FCRL1: variants seen among roughly 807,000 people sequenced by gnomAD.
FCRL1 encodes the protein Fc receptor-like protein 1.
A neutral mutation model predicts 49.2 loss-of-function variants in FCRL1; 34 were observed. That is an observed-to-expected ratio of 0.69 (90% CI 0.53 to 0.92). The LOEUF (loss-of-function observed/expected upper bound fraction) is 0.92, where lower values mean the gene tolerates loss of function less well. Ranked by LOEUF, FCRL1 falls within the 40% of genes least tolerant of loss-of-function variation. The pLI, the probability that FCRL1 is intolerant of heterozygous loss-of-function variation, is 0.00. For missense variants in FCRL1, 524 were observed against 524.1 expected (o/e 1.00, Z 0.00); for synonymous variants, 218 against 201.6 (o/e 1.08, Z -0.69).
rs763913388 is a variant in FCRL1 at position 157,820,056 on chromosome 1, G to T, written c.-19C>A. On this transcript the variant is annotated 5_prime_UTR_variant, in exon 1 of 11. Coordinates refer to ENST00000368176, the MANE Select transcript of FCRL1 (RefSeq NM_052938.5). ...GCAGCATGAGGACCAGGTCAGGGAT[G>T]GTACCTAGAGATGCCTCTCATCAAA... 9.9e-6 allele frequency: 16 copies of T among 1,614,062 alleles called. 1 individual carries two copies. The South Asian group carries it at 1.4e-4, about 14-fold the overall frequency.
intron 1 of FCRL1, among the ~76,000 whole-genome samples, chr1:157,809,069 T>C (rs1216681916): frequency 6.6e-6 from 1 of 152,200 alleles, no homozygotes; most frequent in African/African-American, 2.4e-5. Context: ...AAGATGTTTA[T>C]TAAGATGTCT....
At chr1:157,811,792 A>G (rs1654352887) in intron 1 of FCRL1, among the ~76,000 whole-genome samples, 1 of 152,156 alleles carries the variant, frequency 6.6e-6, no homozygotes, top group Non-Finnish European at 1.5e-5. Context: ...TTGCTAGCCA[A>G]GCTTCCCTGC....
At chr1:157,814,609 C>T (rs529829558) in intron 1 of FCRL1, among the ~76,000 whole-genome samples, 8 of 151,856 alleles carry the variant, frequency 5.3e-5, no homozygotes, top group African/African-American at 9.7e-5. Flanking sequence ...GAGTTAAGTC[C>T]GTACCTATCC....
chr1:157,813,838 C>T (rs74121546), intron 1 of FCRL1, among the ~76,000 whole-genome samples: 8 of 152,192 alleles, frequency 5.3e-5, no homozygotes, highest in African/African-American at 1.9e-4. Context: ...CTAAACACAG[C>T]AAAAACATCA....
At chr1:157,810,035 A>C (rs1326060066) in intron 1 of FCRL1, among the ~76,000 whole-genome samples, 12 of 152,228 alleles carry the variant, frequency 7.9e-5, no homozygotes, top group Admixed American at 7.9e-4. Flanking sequence ...GTTTCAAAAA[A>C]TAAAGAGTGA....
At chr1:157,800,658 G>A (rs781406721) in intron 6 of FCRL1, among the ~76,000 whole-genome samples, 1 of 152,144 alleles carries the variant, frequency 6.6e-6, no homozygotes, top group Non-Finnish European at 1.5e-5. Flanking sequence ...GGCTGTGCAC[G>A]CCAGGTGAAG....
chr1:157,794,455 G>A lies in FCRL1; in HGVS notation c.*1644C>T, dbSNP rs1337866510. The A allele has an allele frequency of 6.6e-6, 1 of 152,118 alleles. No homozygotes were observed. The highest frequency in any genetic ancestry group is 1.5e-5 in the Non-Finnish European group (1 of 68,014). 9.4% of individuals were successfully genotyped at this position (152,118 alleles called of 1,614,324 possible). On this transcript the variant is annotated 3_prime_UTR_variant, in exon 11 of 11. Coordinates refer to ENST00000368176, the MANE Select transcript of FCRL1 (RefSeq NM_052938.5). ...TCTTTATTAGCAATGTGAAAACTAA[G>A]TAATACACCCCACAAACTGATTTCC...
rs964555772 is a variant in FCRL1 at position 157,804,250 on chromosome 1, C to CG, written c.53-140_53-139insC. 1.0e-5 allele frequency: 10 copies of CG among 977,158 alleles called. No homozygotes were observed. The Admixed American group carries it at 1.1e-4, about 11-fold the overall frequency. 60.5% of individuals were successfully genotyped at this position (977,158 alleles called of 1,614,324 possible). ...CAGGCCACCCTACATGTCTCCACCC[C>CG]CCCCCCAGTGGCCCATGGGCTTTCC... On this transcript the variant is annotated intron_variant, in intron 2 of 10. Coordinates refer to ENST00000368176, the MANE Select transcript of FCRL1 (RefSeq NM_052938.5).
At chr1:157,817,126 T>G (rs1330039553) in intron 1 of FCRL1, among the ~76,000 whole-genome samples, 1 of 151,974 alleles carries the variant, frequency 6.6e-6, no homozygotes, top group Non-Finnish European at 1.5e-5. Context: ...AAAATACCAA[T>G]GACATTGTCT....
chr1:157,803,518 C>T (rs57768614), intron 3 of FCRL1, among the ~76,000 whole-genome samples: 7,453 of 152,224 alleles, frequency 0.049, 596 homozygotes, highest in African/African-American at 0.17. Flanking sequence ...CAATGCAGCA[C>T]CACATATTTA....
chr1:157,808,352 T>G (rs756672213), intron 1 of FCRL1, among the ~76,000 whole-genome samples: 1 of 152,200 alleles, frequency 6.6e-6, no homozygotes, highest in African/African-American at 2.4e-5. Context: ...TGGTCTTAAC[T>G]GTTTAGATAG....
At chr1:157,796,209 C>G (rs930934255) in intron 10 of FCRL1, 39 bp from the exon 11 acceptor site, 6 of 1,528,548 alleles carry the variant, frequency 3.9e-6, no homozygotes, top group Non-Finnish European at 5.4e-6. Context: ...GGAAGACAAG[C>G]AGAACATGCC....
chr1:157,798,249 A>G lies in FCRL1; in HGVS notation c.1032-6T>C. ...GTAGAGGGCTGGGAAGGCTCCTGCA[A>G]ACACAGAGACACATGTTATTTATCT... On this transcript the variant is annotated splice_polypyrimidine_tract_variant and splice_region_variant and intron_variant, in intron 7 of 10. Coordinates refer to ENST00000368176, the MANE Select transcript of FCRL1 (RefSeq NM_052938.5). 2 of 1,603,304 alleles carry G rather than the reference A, an allele frequency of 1.2e-6. No individual in the cohort carries two copies. The highest frequency in any genetic ancestry group is 2.7e-5 in the African/African-American group (2 of 74,586).
intron 1 of FCRL1, among the ~76,000 whole-genome samples, chr1:157,813,077 T>C (rs953814665): frequency 6.6e-6 from 1 of 152,050 alleles, no homozygotes; most frequent in Non-Finnish European, 1.5e-5. Flanking sequence ...AAACTAAGGA[T>C]CCATCGGCAC....
rs1416201430 is a variant in FCRL1 at position 157,806,985 on chromosome 1, C to A, written c.52+117G>T. ...TGTTTGTACACCTCAGCAGCTGTCA[C>A]CCTGATATGTTTTGGGCAGGAAGGG... On this transcript the variant is annotated intron_variant, in intron 2 of 10. Coordinates refer to ENST00000368176, the MANE Select transcript of FCRL1 (RefSeq NM_052938.5). 2.3e-5 allele frequency: 26 copies of A among 1,128,382 alleles called. 1 individual carries two copies. In the East Asian group the frequency reaches 6.2e-4, roughly 27 times the overall value. The allele number at this position is 1,128,382 out of a possible 1,614,324, so 69.9% of individuals were successfully genotyped here. A position where few individuals can be genotyped will look rare whatever the true frequency, so the allele number is the denominator to read the frequency against.
intron 1 of FCRL1, among the ~76,000 whole-genome samples, chr1:157,819,762 G>A (rs1035090848): frequency 7.2e-5 from 11 of 152,106 alleles, no homozygotes; most frequent in African/African-American, 2.7e-4. Flanking sequence ...TTGATGGAAA[G>A]GAAGACAGAC....
intron 7 of FCRL1, 95 bp downstream of exon 7, chr1:157,799,963 C>T (rs1652162873): frequency 1.8e-6 from 2 of 1,138,102 alleles, no homozygotes; most frequent in South Asian, 2.0e-5. Context: ...TATAATAAAG[C>T]CGGAAAAAAA....
intron 1 of FCRL1, among the ~76,000 whole-genome samples, chr1:157,818,973 G>C (rs796256739): frequency 2.6e-5 from 4 of 152,274 alleles, no homozygotes; most frequent in African/African-American, 9.6e-5. Flanking sequence ...GGAGAGTCTT[G>C]TCATCAACAA....
chr1:157,804,623 C>T (rs1018285797), intron 2 of FCRL1, among the ~76,000 whole-genome samples: 1 of 152,106 alleles, frequency 6.6e-6, no homozygotes, highest in Non-Finnish European at 1.5e-5. Flanking sequence ...GTCGATCTGT[C>T]CAGGAAAGAC....
Sources: gnomAD v4.1 joint callset for allele counts (sites outside exome capture counted in the v4.1 genomes callset) on GRCh38, gnomAD v4.1.1 for gene constraint, MANE v1.5 for transcripts, NCBI Gene and HGNC (gene_info 2026-07-23, HGNC 2026-07-21) for gene names.